Variants in TAF12 observed in about 807,000 individuals in gnomAD.
TAF12 encodes the protein TATA-box binding protein associated factor 12, also known as transcription initiation factor TFIID subunit 12.
In TAF12, 3 loss-of-function variants were observed where a neutral mutation model predicts 20.8. That is an observed-to-expected ratio of 0.14 (90% CI 0.07 to 0.37). TAF12 has a LOEUF of 0.37. TAF12 is among the 10% of genes least tolerant of loss of function. The pLI is 1.00. For synonymous variants in TAF12, 69 were observed against 70.2 expected, an observed-to-expected ratio of 0.98 and a Z score of 0.09; for missense variants, 131 against 197.9, an observed-to-expected ratio of 0.66 and a Z score of 2.03.
chr1:28,628,222 A>AGGGGGGGG (rs1291905001), intron 1 of TAF12, among the ~76,000 whole-genome samples: 1 of 3,098 alleles, frequency 3.2e-4, no homozygotes, highest in African/African-American at 1.5e-3. Context: ...GACACGGTGC[A>AGGGGGGGG]GGGGGTGGGG....
chr1:28,604,633 C>T (rs1384407128), intron 5 of TAF12, among the ~76,000 whole-genome samples: 3 of 152,186 alleles, frequency 2.0e-5, no homozygotes, highest in South Asian at 2.1e-4. Flanking sequence ...GGGCTTGCTT[C>T]GTGAGCTTTA....
At chr1:28,647,187 T>G (rs1486796088), upstream of TAF12, among the ~76,000 whole-genome samples, 1 of 152,200 alleles carries the variant, frequency 6.6e-6, no homozygotes, top group Non-Finnish European at 1.5e-5. Context: ...GAAAGCAGTC[T>G]GGCAAGATAA....
At chr1:28,621,080 T>G (rs1177265805) in intron 2 of TAF12, among the ~76,000 whole-genome samples, 2 of 152,282 alleles carry the variant, frequency 1.3e-5, no homozygotes, top group South Asian at 2.1e-4. Flanking sequence ...TGCCTAAAAG[T>G]TCCAATGGAA....
At chr1:28,641,290 C>T (rs1668024078) in intron 1 of TAF12, among the ~76,000 whole-genome samples, 1 of 151,870 alleles carries the variant, frequency 6.6e-6, no homozygotes, top group Non-Finnish European at 1.5e-5. Context: ...GAAACACAGC[C>T]TGGCCAACAT....
chr1:28,622,238 G>T (rs191048847), intron 1 of TAF12, 73 bp from the exon 2 acceptor site: 2 of 1,365,186 alleles, frequency 1.5e-6, no homozygotes, highest in Admixed American at 3.5e-5. Flanking sequence ...AGTAAAAAGA[G>T]GCCTGGTGCA....
chr1:28,636,804 GA>G (rs879611256), intron 1 of TAF12, among the ~76,000 whole-genome samples: 122 of 143,958 alleles, frequency 8.5e-4, no homozygotes, highest in South Asian at 2.2e-3. Context: ...CTGTCTCAGG[GA>G]AAAAAAAAAA....
chr1:28,629,536 A>G (rs1021801813), intron 1 of TAF12, among the ~76,000 whole-genome samples: 7 of 152,058 alleles, frequency 4.6e-5, no homozygotes, highest in South Asian at 2.1e-4. Flanking sequence ...GAGTTTTCCC[A>G]TGTTGGCCAG....
chr1:28,647,691 G>A (rs1396717213), upstream of TAF12, among the ~76,000 whole-genome samples: 1 of 152,108 alleles, frequency 6.6e-6, no homozygotes, highest in East Asian at 1.9e-4. Context: ...GGCTAACATG[G>A]TGAAACCCCC....
chr1:28,626,004 G>A (rs1165257946), intron 1 of TAF12, among the ~76,000 whole-genome samples: 7 of 150,610 alleles, frequency 4.6e-5, no homozygotes, highest in South Asian at 4.2e-4. Context: ...TTTTTGAGAC[G>A]GAGTCTCACT....
At chr1:28,632,998 G>A (rs1002818466) in intron 1 of TAF12, among the ~76,000 whole-genome samples, 10 of 151,816 alleles carry the variant, frequency 6.6e-5, no homozygotes, top group South Asian at 6.3e-4. Flanking sequence ...CAAGTAGCTC[G>A]GATTACAGGT....
At chr1:28,632,498 A>C (rs1217362598) in intron 1 of TAF12, among the ~76,000 whole-genome samples, 1 of 152,190 alleles carries the variant, frequency 6.6e-6, no homozygotes, top group Non-Finnish European at 1.5e-5. Context: ...CCTGGGCAGC[A>C]GAGTAAGACT....
chr1:28,637,900 C>T (rs1667891754), intron 1 of TAF12, among the ~76,000 whole-genome samples: 1 of 152,114 alleles, frequency 6.6e-6, no homozygotes, highest in African/African-American at 2.4e-5. Context: ...CCTACAATCC[C>T]AGCACTTCGG....
intron 1 of TAF12, among the ~76,000 whole-genome samples, chr1:28,627,909 C>T (rs773416076): frequency 6.6e-6 from 1 of 152,056 alleles, no homozygotes. Context: ...TAACACTACC[C>T]TTAGGTTCTA....
intron 1 of TAF12, chr1:28,642,531 G>T: frequency 1.6e-6 from 1 of 614,380 alleles, no homozygotes; most frequent in Non-Finnish European, 2.0e-6. Flanking sequence ...AGTTTTCTCT[G>T]TCTGCTTCTG....
At chr1:28,627,562 G>A (rs551689206) in intron 1 of TAF12, among the ~76,000 whole-genome samples, 5 of 150,490 alleles carry the variant, frequency 3.3e-5, no homozygotes, top group African/African-American at 9.8e-5. Context: ...GCGTGGTGGC[G>A]GGCACCTGCA....
At chr1:28,625,654 G>C (rs1667358358) in intron 1 of TAF12, among the ~76,000 whole-genome samples, 1 of 148,938 alleles carries the variant, frequency 6.7e-6, no homozygotes, top group Non-Finnish European at 1.5e-5. Context: ...CCATTCTCCT[G>C]TCTCAGCCTC....
intron 1 of TAF12, chr1:28,642,541 GC>G: frequency 3.8e-5 from 26 of 684,120 alleles, no homozygotes; most frequent in Non-Finnish European, 4.5e-5. Flanking sequence ...GTCTGCTTCT[GC>G]CCCTCAGGAA....
intron 4 of TAF12, among the ~76,000 whole-genome samples, chr1:28,606,388 C>A (rs1570291997): frequency 6.6e-6 from 1 of 152,156 alleles, no homozygotes; most frequent in East Asian, 1.9e-4. Context: ...ATCTGCCTGC[C>A]TCAGCCTCCC....
chr1:28,620,424 C>T lies in TAF12; in HGVS notation c.168+1490G>A, dbSNP rs565122031. Among the ~76,000 whole-genome samples, 63 of 139,470 alleles carry T rather than the reference C, an allele frequency of 4.5e-4. 1 individual carries two copies. In the East Asian group the frequency reaches 9.5e-3, roughly 21 times the overall value. The allele number at this position is 139,470 out of a possible 152,430, so 91.5% of individuals were successfully genotyped here. ...CTGGGATTACAGGCGTGAGCTACCG[C>T]GCACACCCAAGAAAATAATTTTTTT... On this transcript the variant is annotated intron_variant, in intron 2 of 5. Transcript: ENST00000373824.
Sources: gnomAD v4.1 joint callset for allele counts (sites outside exome capture counted in the v4.1 genomes callset) on GRCh38, gnomAD v4.1.1 for gene constraint, MANE v1.5 for transcripts, NCBI Gene and HGNC (gene_info 2026-07-23, HGNC 2026-07-21) for gene names.